Variants in DZANK1 observed in about 807,000 individuals in gnomAD.
DZANK1 encodes double zinc ribbon and ankyrin repeat domains 1.
Under a neutral mutation model 94.5 loss-of-function variants are expected in DZANK1, and 91 were observed. That is an observed-to-expected ratio of 0.96 (90% confidence interval 0.81 to 1.15). The LOEUF (loss-of-function observed/expected upper bound fraction) is 1.15, where lower values mean the gene tolerates loss of function less well. DZANK1 is among the 50% of genes most tolerant of loss of function. The probability of loss-of-function intolerance (pLI) is 0.00; values close to 1 mark genes in which losing one functional copy is unlikely to be tolerated. For missense variants in DZANK1, 903 were observed against 916.4 expected (o/e 0.99, Z 0.19); for synonymous variants, 312 against 325.3 (o/e 0.96, Z 0.44).
chr20:18,416,460 A>C (rs1483626794), intron 10 of DZANK1, among the ~76,000 whole-genome samples: 1 of 152,226 alleles, frequency 6.6e-6, no homozygotes, highest in Non-Finnish European at 1.5e-5. Flanking sequence ...GTACCTTGGC[A>C]CATGGGAGTC....
chr20:18,391,292 G>A (rs1387334527), intron 17 of DZANK1, among the ~76,000 whole-genome samples: 2 of 152,046 alleles, frequency 1.3e-5, no homozygotes, highest in African/African-American at 4.8e-5. Flanking sequence ...GGAATGCAGT[G>A]GCACGATCCT....
At chr20:18,460,039 G>A (rs888394371) in intron 3 of DZANK1, 114 bp downstream of exon 3, 6 of 768,878 alleles carry the variant, frequency 7.8e-6, no homozygotes, top group Non-Finnish European at 9.6e-6. Context: ...TTAAAATAAT[G>A]TTTCAGTAGT....
At chr20:18,391,710 T>C (rs1241533806) in intron 17 of DZANK1, among the ~76,000 whole-genome samples, 1 of 152,180 alleles carries the variant, frequency 6.6e-6, no homozygotes, top group Non-Finnish European at 1.5e-5. Flanking sequence ...ACCATTTCCA[T>C]TTGTAAAGTG....
intron 10 of DZANK1, among the ~76,000 whole-genome samples, chr20:18,415,990 A>G (rs924537292): frequency 6.6e-6 from 1 of 152,146 alleles, no homozygotes; most frequent in Non-Finnish European, 1.5e-5. Flanking sequence ...CTTCCTCACT[A>G]TTGCCTGGTA....
intron 3 of DZANK1, 33 bp downstream of exon 3, chr20:18,460,120 T>C (rs1216476956): frequency 2.9e-6 from 4 of 1,356,374 alleles, no homozygotes; most frequent in Admixed American, 4.5e-5. Context: ...TATTATATCA[T>C]AAATTAAATT....
intron 2 of DZANK1, among the ~76,000 whole-genome samples, chr20:18,461,896 T>C (rs1297131337): frequency 6.6e-6 from 1 of 152,026 alleles, no homozygotes; most frequent in Non-Finnish European, 1.5e-5. Context: ...CACCATGCCC[T>C]GCCAGCATTT....
At chr20:18,427,606 G>GGGGTGTGTGT (rs112783791) in intron 9 of DZANK1, among the ~76,000 whole-genome samples, 89 of 148,788 alleles carry the variant, frequency 6.0e-4, no homozygotes, top group African/African-American at 2.1e-3. Context: ...TGTAAGGTTG[G>GGGGTGTGTGT]GTGTGTGTGT....
At chr20:18,455,845 GTA>G (rs1190461713) in intron 3 of DZANK1, among the ~76,000 whole-genome samples, 1 of 152,164 alleles carries the variant, frequency 6.6e-6, no homozygotes, top group Non-Finnish European at 1.5e-5. Flanking sequence ...CTTCCTCACA[GTA>G]TGGAAGCCTC....
chr20:18,383,568 T>C (rs2048311368), exon 21 of DZANK1: 1 of 152,182 alleles, frequency 6.6e-6, no homozygotes, highest in African/African-American at 2.4e-5. Context: ...CTACCATTTG[T>C]TTTAAAAGAG....
intron 9 of DZANK1, among the ~76,000 whole-genome samples, chr20:18,428,180 G>A (rs1271424836): frequency 6.0e-5 from 9 of 150,618 alleles, no homozygotes; most frequent in Non-Finnish European, 1.0e-4. Flanking sequence ...AGAGTGGTAA[G>A]TACAACTTAA....
exon 2 of DZANK1, chr20:18,465,361 TC>T (rs1185487389): frequency 1.3e-6 from 1 of 779,348 alleles, no homozygotes; most frequent in South Asian, 2.7e-5. Context: ...GCAGTCATTT[TC>T]TCTCTCTCTC....
At chr20:18,415,354 C>T (rs371217338) in exon 11 of DZANK1, 37 of 1,590,570 alleles carry the variant, frequency 2.3e-5, no homozygotes, top group Middle Eastern at 1.7e-4. Flanking sequence ...CGCAGAAGGA[C>T]GCCTCCCAGA....
exon 8 of DZANK1, chr20:18,443,393 A>G: frequency 1.9e-6 from 3 of 1,547,952 alleles, no homozygotes; most frequent in Middle Eastern, 1.7e-4. Context: ...TATGGGTGGG[A>G]CAGGAGAGCC....
chr20:18,414,261 C>T, intron 12 of DZANK1, 87 bp downstream of exon 12: 1 of 1,488,868 alleles, frequency 6.7e-7, no homozygotes, highest in Non-Finnish European at 9.0e-7. Context: ...GGGTCTCTTC[C>T]CCGGGTTGAT....
At chr20:18,412,617 A>G in intron 13 of DZANK1, 29 bp downstream of exon 13, 1 of 1,602,524 alleles carries the variant, frequency 6.2e-7, no homozygotes, top group Non-Finnish European at 8.5e-7. Context: ...TTCCCTCCCG[A>G]CCAGAAGAAA....
intron 10 of DZANK1, among the ~76,000 whole-genome samples, chr20:18,423,420 T>C (rs2057888145): frequency 6.6e-6 from 1 of 152,224 alleles, no homozygotes. Flanking sequence ...TTTTCATTAT[T>C]TGCTAGAAAA....
At position 18,413,278 on chromosome 20, in the gene DZANK1, T is replaced by C. The variant is rs148346445; in HGVS notation, c.1243-443A>G. The C allele has an allele frequency of 8.7e-4, 168 of 194,216 alleles. 2 individuals are homozygous for C. Among genetic ancestry groups the C allele is most frequent in the African/African-American group, 3.9e-3 (166 of 42,742 alleles). 12.0% of individuals were successfully genotyped at this position (194,216 alleles called of 1,614,324 possible). On this transcript the variant is annotated intron_variant, in intron 12 of 20. Transcript: ENST00000262547. ...AAGGTTGTGCGTTGCACAACGTCAC[T>C]GCATTCAAAGTAGTACCATTCATAT...
rs568846693 is a variant in DZANK1, at chr20:18,445,236, TAAA to T, written c.630-1775_630-1773del. Among the ~76,000 whole-genome samples, 528 of 152,276 alleles carry T rather than the reference TAAA, an allele frequency of 3.5e-3. 3 individuals are homozygous for T. Among genetic ancestry groups the T allele is most frequent in the African/African-American group, 5.2e-3 (215 of 41,552 alleles). On this transcript the variant is annotated intron_variant, in intron 7 of 20. Transcript: ENST00000262547. ...TCTGAGCAAAGAATATTAACAGAGT[TAAA>T]GAAGTTTATTTCATAATGATAAAAG...
rs182202412 is a variant in DZANK1, at chr20:18,396,089, G to A, written c.1611+383C>T. On this transcript the variant is annotated intron_variant, in intron 15 of 20. Transcript: ENST00000262547. ...TTACAGGCTCTGTGGCAATGCCCCC[G>A]TCACCATATAAAAGGGAAGATCAAG... 1.3e-3 allele frequency among the ~76,000 whole-genome samples: 191 copies of A among 152,274 alleles called. 2 individuals are homozygous for A. The highest frequency in any genetic ancestry group is 3.9e-3 in the African/African-American group (161 of 41,544).
Sources: gnomAD v4.1 joint callset for allele counts (sites outside exome capture counted in the v4.1 genomes callset) on GRCh38, gnomAD v4.1.1 for gene constraint, MANE v1.5 for transcripts, NCBI Gene and HGNC (gene_info 2026-07-23, HGNC 2026-07-21) for gene names.